The following LINGO1 variants were observed in gnomAD, a reference collection of about 807,000 sequenced individuals.
LINGO1 encodes leucine rich repeat and Ig domain containing 1.
Under a neutral mutation model 37.3 loss-of-function variants are expected in LINGO1, and 11 were observed. The observed-to-expected ratio is 0.29, with a 90% CI of 0.19 to 0.49. The LOEUF (loss-of-function observed/expected upper bound fraction) is 0.49. Among genes scored for constraint, LINGO1 ranks in the 20% least tolerant of loss-of-function variants. The pLI, the probability that LINGO1 is intolerant of heterozygous loss-of-function variation, is 0.99. For synonymous variants in LINGO1, 387 were observed against 403.0 expected, an observed-to-expected ratio of 0.96 and a Z score of 0.48; for missense variants, 585 against 878.2, an observed-to-expected ratio of 0.67 and a Z score of 4.22.
At chr15:77,773,480 T>A (rs2076606075) in intron 1 of LINGO1, among the ~76,000 whole-genome samples, 1 of 152,088 alleles carries the variant, frequency 6.6e-6, no homozygotes, top group South Asian at 2.1e-4. Flanking sequence ...AGGTGAGATT[T>A]GAACCAATGC....
chr15:77,701,663 C>T (rs1306415228), intron 2 of LINGO1, among the ~76,000 whole-genome samples: 1 of 152,068 alleles, frequency 6.6e-6, no homozygotes, highest in Non-Finnish European at 1.5e-5. Flanking sequence ...TCTATTAGTT[C>T]CCATGAGAAC....
upstream of LINGO1, among the ~76,000 whole-genome samples, chr15:77,636,098 G>A (rs2074391192): frequency 6.6e-6 from 1 of 152,242 alleles, no homozygotes; most frequent in Admixed American, 6.5e-5. Flanking sequence ...CGAGGCTCTG[G>A]GAGGGCTGGT....
At chr15:77,716,280 C>CTTTTTTTTT (rs5813879) in intron 2 of LINGO1, among the ~76,000 whole-genome samples, 2 of 119,266 alleles carry the variant, frequency 1.7e-5, no homozygotes, top group African/African-American at 3.1e-5. Flanking sequence ...TCTTCTTCTT[C>CTTTTTTTTT]TTTTTTTTTT....
intron 1 of LINGO1, among the ~76,000 whole-genome samples, chr15:77,807,355 T>C (rs2076968625): frequency 6.6e-6 from 1 of 152,210 alleles, no homozygotes; most frequent in Non-Finnish European, 1.5e-5. Context: ...GCAAAGTGCC[T>C]GGCTGCCAGT....
At chr15:77,747,628 T>G (rs116172029) in intron 1 of LINGO1, among the ~76,000 whole-genome samples, 2,627 of 152,168 alleles carry the variant, frequency 0.017, 90 homozygotes, top group African/African-American at 0.06. Context: ...CTGACCTGCC[T>G]GCAAGACAGC....
At chr15:77,713,210 T>TTGCGTG (rs1555533525) in intron 2 of LINGO1, among the ~76,000 whole-genome samples, 69 of 123,722 alleles carry the variant, frequency 5.6e-4, no homozygotes, top group Non-Finnish European at 9.5e-4. Context: ...GCCCAGCTAA[T>TTGCGTG]TGTGTGTGTG....
At chr15:77,743,963 C>A (rs1477537276) in intron 1 of LINGO1, among the ~76,000 whole-genome samples, 1 of 152,180 alleles carries the variant, frequency 6.6e-6, no homozygotes, top group African/African-American at 2.4e-5. Context: ...ACAAGTATTT[C>A]TTGAGCATCT....
Position 77,615,012 on chromosome 15 carries a change from T to C in LINGO1, c.895A>G (p.Ile299Val), listed in dbSNP as rs763006902. 13 of 1,613,718 alleles carry C rather than the reference T, an allele frequency of 8.1e-6. No individual in the cohort carries two copies. Among genetic ancestry groups the C allele is most frequent in the Middle Eastern group, 1.6e-4 (1 of 6,084 alleles). ...AACATGGAGCCCTCAATGGTGCTGA[T>C]GGGGTTGTAGGAGAGGTTGAGGAAG... is the stretch of plus-strand genomic sequence containing the variant. Reference protein sequence around the residue: ...LRFLNLSYNPISTIEGSMLHE... With the variant: ...LRFLNLSYNPVSTIEGSMLHE... Residue 299 changes from isoleucine (I) to valine (V), a missense_variant, in exon 2 of 2, where the codon ATC becomes GTC. Coordinates refer to ENST00000355300, the MANE Select transcript of LINGO1 (RefSeq NM_032808.7).
chr15:77,743,019 G>T lies in LINGO1; in HGVS notation c.-256-7966C>A, dbSNP rs1260095948. On this transcript the variant is annotated intron_variant, in intron 1 of 3. Transcript: ENST00000561686. ...CACGGGTGCACAGGGCCCCCAGCCC[G>T]ACGCCCAACCTCACCTTCTCAGAAA... is the stretch of plus-strand genomic sequence containing the variant. Among the ~76,000 whole-genome samples the T allele has an allele frequency of 2.0e-5, 3 of 152,214 alleles. 1 individual carries two copies. The highest frequency in any genetic ancestry group is 7.2e-5 in the African/African-American group (3 of 41,450).
At chr15:77,621,917 C>A (rs1037208339) in intron 1 of LINGO1, among the ~76,000 whole-genome samples, 1 of 152,220 alleles carries the variant, frequency 6.6e-6, no homozygotes, top group Non-Finnish European at 1.5e-5. Flanking sequence ...CCTGCACACA[C>A]AGGCATGCGA....
At chr15:77,713,210 TTGTGTGTGTGTG>T (rs57831674) in intron 2 of LINGO1, among the ~76,000 whole-genome samples, 3,158 of 123,778 alleles carry the variant, frequency 0.026, 57 homozygotes, top group African/African-American at 0.046. Context: ...GCCCAGCTAA[TTGTGTGTGTGTG>T]TGTGTGTGTG....
At chr15:77,802,418 G>GGT (rs763464851) in intron 1 of LINGO1, among the ~76,000 whole-genome samples, 6 of 151,916 alleles carry the variant, frequency 3.9e-5, no homozygotes, top group Non-Finnish European at 7.4e-5. Flanking sequence ...GTTCCCCCAA[G>GGT]GTGTGTGTGT....
rs1207623125 is a variant in LINGO1 at position 77,632,411 on chromosome 15, C to T, written c.-96G>A. 10 of 1,233,252 alleles carry T rather than the reference C, an allele frequency of 8.1e-6. No individual in the cohort carries two copies. In the African/African-American group the frequency reaches 9.8e-5, roughly 12 times the overall value. 76.4% of individuals were successfully genotyped at this position (1,233,252 alleles called of 1,614,324 possible). On this transcript the variant is annotated 5_prime_UTR_variant, in exon 1 of 2. Coordinates refer to ENST00000355300, the MANE Select transcript of LINGO1 (RefSeq NM_032808.7). This position sits in a 1 kb window ranked among gnomAD's most constrained non-coding sequence, Gnocchi z 6.0. Reference sequence around the variant, plus strand: ...CCAGCCCCTGCCCAGCCCCCTCCTCCGTTTCCTCCTCCTCCGACACCTCCG... The same window carrying T: ...CCAGCCCCTGCCCAGCCCCCTCCTCTGTTTCCTCCTCCTCCGACACCTCCG...
chr15:77,800,391 A>G (rs2076908393), intron 1 of LINGO1, among the ~76,000 whole-genome samples: 1 of 152,208 alleles, frequency 6.6e-6, no homozygotes, highest in African/African-American at 2.4e-5. Flanking sequence ...CGAGAGACAG[A>G]GGCTCTGAGA....
chr15:77,673,674 A>G (rs961850873), intron 3 of LINGO1, among the ~76,000 whole-genome samples: 5 of 152,032 alleles, frequency 3.3e-5, no homozygotes, highest in African/African-American at 1.2e-4. Context: ...CTCTCCTTCC[A>G]TGCTCTCATC....
intron 3 of LINGO1, among the ~76,000 whole-genome samples, chr15:77,670,035 C>T (rs1418058958): frequency 1.3e-5 from 2 of 152,188 alleles, no homozygotes; most frequent in African/African-American, 2.4e-5. Context: ...AGTACTGATA[C>T]ACACACACTA....
intron 2 of LINGO1, among the ~76,000 whole-genome samples, chr15:77,713,253 T>C (rs1334134927): frequency 7.0e-6 from 1 of 142,034 alleles, no homozygotes. Flanking sequence ...TGTGTGTGTG[T>C]GTGTTGTAGA....
chr15:77,641,863 G>A, intron 3 of LINGO1: 1 of 456,622 alleles, frequency 2.2e-6, no homozygotes, highest in East Asian at 6.9e-5. Flanking sequence ...CTGATAGGCT[G>A]AGGCCAGCTG....
At chr15:77,795,464 C>A (rs138822890) in intron 2 of LINGO1, among the ~76,000 whole-genome samples, 1 of 152,296 alleles carries the variant, frequency 6.6e-6, no homozygotes, top group African/African-American at 2.4e-5. Context: ...CCTTATCCTG[C>A]CCTGAAGGTG....
Sources: allele counts gnomAD v4.1 joint callset (sites outside exome capture counted in the v4.1 genomes callset), GRCh38; gene constraint gnomAD v4.1.1; non-coding constraint Gnocchi (gnomAD v3.1); transcripts MANE v1.5; gene names NCBI Gene and HGNC (gene_info 2026-07-23, HGNC 2026-07-21).